UNC5D: variants seen among roughly 807,000 people sequenced by gnomAD.
UNC5D encodes unc-5 netrin receptor D.
UNC5D carries 39 observed loss-of-function variants against 105.4 expected under a neutral mutation model. The observed-to-expected ratio is 0.37, with a 90% CI of 0.29 to 0.48. The LOEUF is 0.48. UNC5D is among the 20% of genes least tolerant of loss of function. UNC5D has a pLI of 0.98. For missense variants in UNC5D, 991 were observed against 1,202.4 expected (o/e 0.82, Z 2.60); for synonymous variants, 452 against 450.4 (o/e 1.00, Z -0.04).
chr8:35,412,159 A>G lies in UNC5D; in HGVS notation c.104-137133A>G, dbSNP rs150964888. On this transcript the variant is annotated intron_variant, in intron 1 of 16. Coordinates refer to ENST00000404895, the MANE Select transcript of UNC5D (RefSeq NM_080872.4). ...CATCATCTTCAGTAGAATTGCTTCCAGTACATGTTGAATGCAGGATTGGCT... is the reference window on the plus strand; with the variant it reads ...CATCATCTTCAGTAGAATTGCTTCCGGTACATGTTGAATGCAGGATTGGCT... Among the ~76,000 whole-genome samples, 397 of 152,168 alleles carry G rather than the reference A, an allele frequency of 2.6e-3. 2 individuals carry two copies. The highest frequency in any genetic ancestry group is 8.9e-3 in the African/African-American group (371 of 41,540).
intron 4 of UNC5D, among the ~76,000 whole-genome samples, chr8:35,606,601 A>G (rs900763848): frequency 2.6e-5 from 4 of 151,972 alleles, no homozygotes; most frequent in Non-Finnish European, 5.9e-5. Flanking sequence ...AGTAGACCCC[A>G]ATGTCTATCA....
intron 1 of UNC5D, among the ~76,000 whole-genome samples, chr8:35,417,444 A>G (rs1024663414): frequency 3.3e-5 from 5 of 150,280 alleles, no homozygotes; most frequent in African/African-American, 1.3e-4. Context: ...TTAAGCTTGG[A>G]TATACATTTT....
chr8:35,281,135 G>A lies in UNC5D; in HGVS notation c.103+45248G>A, dbSNP rs80273992. 9.9e-4 allele frequency among the ~76,000 whole-genome samples: 151 copies of A among 152,116 alleles called. 2 individuals are homozygous for A. The East Asian group carries it at 0.028, about 28-fold the overall frequency. On this transcript the variant is annotated intron_variant, in intron 1 of 16. Coordinates refer to ENST00000404895, the MANE Select transcript of UNC5D (RefSeq NM_080872.4). ...TCTGTGATCACATTTCTGTGTATCCGTCTCCCCGTGGGCAAACTCCTCTCT... is the reference window on the plus strand; with the variant it reads ...TCTGTGATCACATTTCTGTGTATCCATCTCCCCGTGGGCAAACTCCTCTCT...
intron 1 of UNC5D, among the ~76,000 whole-genome samples, chr8:35,510,308 T>G (rs1278004929): frequency 2.6e-5 from 1 of 39,090 alleles, no homozygotes; most frequent in East Asian, 5.9e-4. Flanking sequence ...CTTTTTTATA[T>G]CCAAAAAAAA....
At chr8:35,582,627 G>T (rs988575435) in intron 3 of UNC5D, among the ~76,000 whole-genome samples, 1 of 152,170 alleles carries the variant, frequency 6.6e-6, no homozygotes, top group African/African-American at 2.4e-5. Context: ...TGGCCTCATG[G>T]AGATGTGGGA....
chr8:35,290,374 G>A (rs1177471216), intron 1 of UNC5D, among the ~76,000 whole-genome samples: 1 of 152,040 alleles, frequency 6.6e-6, no homozygotes, highest in African/African-American at 2.4e-5. Flanking sequence ...AGGACCTTAT[G>A]CTAAGTGAAA....
chr8:35,371,249 T>C (rs1802412874), intron 1 of UNC5D, among the ~76,000 whole-genome samples: 1 of 152,106 alleles, frequency 6.6e-6, no homozygotes, highest in Admixed American at 6.5e-5. Flanking sequence ...ATTTTAGATA[T>C]GTTCTGATTT....
At chr8:35,330,551 A>C (rs1215378813) in intron 1 of UNC5D, among the ~76,000 whole-genome samples, 1 of 152,234 alleles carries the variant, frequency 6.6e-6, no homozygotes, top group Non-Finnish European at 1.5e-5. Flanking sequence ...TCTTCAGTTC[A>C]GCCATCGTGG....
intron 1 of UNC5D, among the ~76,000 whole-genome samples, chr8:35,247,486 A>G (rs1187768000): frequency 7.3e-6 from 1 of 137,092 alleles, no homozygotes; most frequent in Non-Finnish European, 1.5e-5. Flanking sequence ...TTCAGTATGA[A>G]TCTACTAGGA....
At chr8:35,458,068 T>C (rs1287369033) in intron 1 of UNC5D, among the ~76,000 whole-genome samples, 1 of 152,094 alleles carries the variant, frequency 6.6e-6, no homozygotes, top group Non-Finnish European at 1.5e-5. Context: ...AGTCTATCCT[T>C]ATGGTGATTA....
Position 35,512,567 on chromosome 8 carries a change from A to ATT in UNC5D, c.104-36724_104-36723insTT, listed in dbSNP as rs1181301767. ...TATATATATATATATATATATATATATATCTGAATAGATTACTAAATGGAG... is the reference window on the plus strand; with the variant it reads ...TATATATATATATATATATATATATATTTATCTGAATAGATTACTAAATGGAG... On this transcript the variant is annotated intron_variant, in intron 1 of 16. Coordinates refer to ENST00000404895, the MANE Select transcript of UNC5D (RefSeq NM_080872.4). Among the ~76,000 whole-genome samples the ATT allele has an allele frequency of 1.8e-4, 17 of 93,172 alleles. 1 individual carries two copies. The highest frequency in any genetic ancestry group is 7.9e-4 in the African/African-American group (16 of 20,198). 61.1% of individuals were successfully genotyped at this position (93,172 alleles called of 152,430 possible).
chr8:35,272,816 A>G (rs966095895), intron 1 of UNC5D, among the ~76,000 whole-genome samples: 3 of 152,218 alleles, frequency 2.0e-5, no homozygotes, highest in Non-Finnish European at 4.4e-5. Flanking sequence ...TGTGAAACTC[A>G]AAGTAAAATA....
intron 1 of UNC5D, among the ~76,000 whole-genome samples, chr8:35,239,597 G>A (rs1461919184): frequency 6.6e-6 from 1 of 151,916 alleles, no homozygotes; most frequent in Non-Finnish European, 1.5e-5. Context: ...GGAAGGGGGT[G>A]GTGGTGGTGT....
chr8:35,552,729 T>A (rs1816256182), intron 2 of UNC5D, among the ~76,000 whole-genome samples: 2 of 152,178 alleles, frequency 1.3e-5, no homozygotes, highest in South Asian at 4.1e-4. Flanking sequence ...GTCTCTGATC[T>A]TGTGCTCCCA....
intron 3 of UNC5D, among the ~76,000 whole-genome samples, chr8:35,580,112 C>T (rs929771069): frequency 6.6e-6 from 1 of 152,078 alleles, no homozygotes; most frequent in Non-Finnish European, 1.5e-5. Flanking sequence ...CAAATTATTC[C>T]ATTAAGTAGG....
intron 4 of UNC5D, among the ~76,000 whole-genome samples, chr8:35,621,904 A>G (rs978257343): frequency 6.6e-6 from 1 of 152,200 alleles, no homozygotes; most frequent in Non-Finnish European, 1.5e-5. Context: ...GGACATGTCA[A>G]AGACAAGAGA....
chr8:35,288,758 G>A (rs1806809971), intron 1 of UNC5D, among the ~76,000 whole-genome samples: 1 of 152,110 alleles, frequency 6.6e-6, no homozygotes, highest in Non-Finnish European at 1.5e-5. Context: ...TGCATGTAAA[G>A]GCAAGTTGTT....
At position 35,405,998 on chromosome 8, in the gene UNC5D, G is replaced by T. The variant is rs184498949; in HGVS notation, c.104-143294G>T. 2.3e-3 allele frequency among the ~76,000 whole-genome samples: 356 copies of T among 152,214 alleles called. 1 individual carries two copies. The highest frequency in any genetic ancestry group is 3.9e-3 in the Non-Finnish European group (268 of 67,984). On this transcript the variant is annotated intron_variant, in intron 1 of 16. Transcript: ENST00000404895. ...AAATGCAAAAATTAAATATTTCTGA[G>T]TATGCTAAATTTGTTAATGTAGCAT...
intron 8 of UNC5D, among the ~76,000 whole-genome samples, chr8:35,719,974 G>C (rs140671123): frequency 1.2e-4 from 18 of 152,256 alleles, no homozygotes; most frequent in Non-Finnish European, 2.2e-4. Context: ...TCCTGGGAGA[G>C]AAAACACACT....
Sources: allele counts gnomAD v4.1 joint callset (sites outside exome capture counted in the v4.1 genomes callset), GRCh38; gene constraint gnomAD v4.1.1; transcripts MANE v1.5; gene names NCBI Gene and HGNC (gene_info 2026-07-23, HGNC 2026-07-21).